ASPH: variants seen among roughly 807,000 people sequenced by gnomAD.
ASPH encodes aspartate beta-hydroxylase, also known as aspartyl/asparaginyl beta-hydroxylase.
Under a neutral mutation model 118.4 loss-of-function variants are expected in ASPH, and 100 were observed. The observed-to-expected ratio is 0.84, with a 90% CI of 0.72 to 1.00. The LOEUF is 1.00. Among genes scored for constraint, ASPH ranks in the 50% least tolerant of loss-of-function variants. ASPH has a pLI of 0.00. For missense variants in ASPH, 920 were observed against 919.5 expected, an observed-to-expected ratio of 1.00 and a Z score of -0.01; for synonymous variants, 315 against 325.6, an observed-to-expected ratio of 0.97 and a Z score of 0.35.
At chr8:61,527,531 T>G (rs760480229) in intron 21 of ASPH, among the ~76,000 whole-genome samples, 14 of 152,270 alleles carry the variant, frequency 9.2e-5, no homozygotes, top group Non-Finnish European at 1.8e-4. Flanking sequence ...TTGGTTGATT[T>G]TATAATTTTA....
In ASPH at chr8:61,654,821, T is replaced by A. The variant is rs77638567; in HGVS notation, c.323-1161A>T. The stretch of plus-strand genomic sequence containing the variant: ...CCTGACACCAACACATACAGTTGTG[T>A]TCTATACCTAAGTTACCTCTAACTG... On this transcript the variant is annotated intron_variant, in intron 3 of 24. Transcript: ENST00000379454. Among the ~76,000 whole-genome samples the A allele has an allele frequency of 5.1e-3, 775 of 152,260 alleles. 8 individuals carry two copies. Among genetic ancestry groups the A allele is most frequent in the African/African-American group, 0.018 (736 of 41,538 alleles).
At chr8:61,539,131 C>T (rs1320597765) in intron 21 of ASPH, among the ~76,000 whole-genome samples, 1 of 152,114 alleles carries the variant, frequency 6.6e-6, no homozygotes, top group Admixed American at 6.6e-5. Context: ...ATCCCAGCCA[C>T]TTGGGAGGTA....
intron 14 of ASPH, among the ~76,000 whole-genome samples, chr8:61,601,496 C>T (rs144999555): frequency 0.021 from 3,075 of 149,218 alleles, 228 homozygotes; most frequent in African/African-American, 0.068. Context: ...GCCAAGATTG[C>T]GCCAGTGCAC....
rs6471962 is a variant in ASPH, at chr8:61,583,856, C to T, written c.1062+88G>A. 0.23 allele frequency: 204,254 copies of T among 898,764 alleles called. 26,668 individuals carry two copies. Among genetic ancestry groups the T allele is most frequent in the African/African-American group, 0.49 (27,128 of 54,892 alleles). 55.7% of individuals were successfully genotyped at this position (898,764 alleles called of 1,614,324 possible). On this transcript the variant is annotated intron_variant, in intron 15 of 24. Coordinates refer to ENST00000379454, the MANE Select transcript of ASPH (RefSeq NM_004318.4). Reference sequence around the variant, plus strand: ...CTATTCAACTGTTGTTTCTTTTACACTTACTATTTTTTTTTTTTTTAACAA... The same window carrying T: ...CTATTCAACTGTTGTTTCTTTTACATTTACTATTTTTTTTTTTTTTAACAA...
At chr8:61,586,687 C>T (rs1007505240) in intron 14 of ASPH, among the ~76,000 whole-genome samples, 7 of 152,128 alleles carry the variant, frequency 4.6e-5, no homozygotes, top group African/African-American at 1.7e-4. Flanking sequence ...TTACCTTGAC[C>T]CCTCCACTCT....
chr8:61,694,254 A>C (rs1277740218), intron 1 of ASPH, among the ~76,000 whole-genome samples: 1 of 152,002 alleles, frequency 6.6e-6, no homozygotes, highest in African/African-American at 2.4e-5. Context: ...CGCACTCTGC[A>C]CTGTCTCTTC....
chr8:61,543,152 G>A (rs997452212), intron 21 of ASPH, among the ~76,000 whole-genome samples: 1 of 152,166 alleles, frequency 6.6e-6, no homozygotes, highest in African/African-American at 2.4e-5. Flanking sequence ...CTTCTCAGAT[G>A]TGTAGATTAA....
rs1418621071 is a variant in ASPH at position 61,680,596 on chromosome 8, T to C, written c.322+372A>G. The C allele has an allele frequency of 2.6e-5, 4 of 154,370 alleles. No homozygotes were observed. In the South Asian group the frequency reaches 6.2e-4, roughly 24 times the overall value. The allele number at this position is 154,370 out of a possible 1,614,324, so 9.6% of individuals were successfully genotyped here. A position where few individuals can be genotyped will look rare whatever the true frequency, so the allele number is the denominator to read the frequency against. On this transcript the variant is annotated intron_variant, in intron 3 of 24. Coordinates refer to ENST00000379454, the MANE Select transcript of ASPH (RefSeq NM_004318.4). ...GCCTGTAGAAATTTACATTTTGAAA[T>C]GGAAGTGAATGTGTAATGTTAATGA...
rs895115715 is a variant in ASPH at position 61,553,135 on chromosome 8, G to C, written c.1537-15C>G. 6.4e-7 allele frequency: 1 copy of C among 1,556,452 alleles called. No homozygotes were observed. Among genetic ancestry groups the C allele is most frequent in the Non-Finnish European group, 8.9e-7 (1 of 1,129,402 alleles). ...TCTATTCCTTCCTGTAGAAAGGACA[G>C]TGTTAGTATGGGTAAAATAATTAAA... On this transcript the variant is annotated splice_polypyrimidine_tract_variant and intron_variant, in intron 19 of 24. Transcript: ENST00000379454.
chr8:61,503,209 C>T lies in ASPH; in HGVS notation c.*150G>A. 1.1e-6 allele frequency: 1 copy of T among 909,076 alleles called. No individual in the cohort carries two copies. The highest frequency in any genetic ancestry group is 1.5e-6 in the Non-Finnish European group (1 of 646,894). 56.3% of individuals were successfully genotyped at this position (909,076 alleles called of 1,614,324 possible). A position where few individuals can be genotyped will look rare whatever the true frequency, so the allele number is the denominator to read the frequency against. On this transcript the variant is annotated 3_prime_UTR_variant, in exon 25 of 25. Transcript: ENST00000379454. Reference sequence around the variant, plus strand: ...GCGAGGCAAATATTCCCTTTAGTGTCTTCTGACCCTAGGAGGAGGCTTTGA... The same window carrying T: ...GCGAGGCAAATATTCCCTTTAGTGTTTTCTGACCCTAGGAGGAGGCTTTGA...
At chr8:61,506,029 C>T (rs1806415831) in intron 24 of ASPH, among the ~76,000 whole-genome samples, 1 of 152,174 alleles carries the variant, frequency 6.6e-6, no homozygotes, top group East Asian at 1.9e-4. Context: ...CACCTATGTT[C>T]ACAGCAGCAC....
chr8:61,598,938 T>C (rs546019753), intron 14 of ASPH, among the ~76,000 whole-genome samples: 1 of 152,210 alleles, frequency 6.6e-6, no homozygotes, highest in East Asian at 1.9e-4. Context: ...TTTAAAAAAC[T>C]ACTTGAAGCA....
intron 14 of ASPH, among the ~76,000 whole-genome samples, chr8:61,593,001 C>T (rs1312926637): frequency 6.6e-6 from 1 of 152,172 alleles, no homozygotes; most frequent in Non-Finnish European, 1.5e-5. Context: ...CCTGAATCTA[C>T]GAGTGTTCCT....
chr8:61,556,066 G>T, intron 18 of ASPH, 44 bp from the exon 19 acceptor site: 1 of 1,548,788 alleles, frequency 6.5e-7, no homozygotes, highest in East Asian at 2.3e-5. Flanking sequence ...AGAAAACATA[G>T]GTGATTGCTT....
At chr8:61,600,421 G>T (rs894434244) in intron 14 of ASPH, among the ~76,000 whole-genome samples, 9 of 151,116 alleles carry the variant, frequency 6.0e-5, no homozygotes, top group Non-Finnish European at 8.8e-5. Context: ...ACCCAAATTG[G>T]AAAAGAGGAA....
intron 14 of ASPH, among the ~76,000 whole-genome samples, chr8:61,595,074 A>G (rs1469574304): frequency 6.6e-6 from 1 of 152,262 alleles, no homozygotes; most frequent in Non-Finnish European, 1.5e-5. Flanking sequence ...TCACCAAAAC[A>G]GAGTGGATAT....
At chr8:61,650,665 G>A (rs1052903714) in intron 5 of ASPH, among the ~76,000 whole-genome samples, 7 of 151,954 alleles carry the variant, frequency 4.6e-5, no homozygotes, top group African/African-American at 1.7e-4. Context: ...CATTTTTGTT[G>A]TGGTGACCAG....
chr8:61,646,484 G>A (rs962217207), intron 6 of ASPH, among the ~76,000 whole-genome samples: 1 of 152,074 alleles, frequency 6.6e-6, no homozygotes, highest in Non-Finnish European at 1.5e-5. Context: ...CTAAGCAGAA[G>A]AATATAGTAA....
intron 3 of ASPH, chr8:61,665,698 A>ATC: frequency 1.5e-6 from 2 of 1,324,928 alleles, no homozygotes; most frequent in Non-Finnish European, 2.0e-6. Context: ...TTCTCTTTTT[A>ATC]TCTCTCCACA....
Sources: allele counts gnomAD v4.1 joint callset (sites outside exome capture counted in the v4.1 genomes callset), GRCh38; gene constraint gnomAD v4.1.1; transcripts MANE v1.5; gene names NCBI Gene and HGNC (gene_info 2026-07-23, HGNC 2026-07-21).